The following PCSK2 variants were observed in gnomAD, a reference collection of about 807,000 sequenced individuals.
PCSK2 encodes neuroendocrine convertase 2.
In PCSK2, 14 loss-of-function variants were observed where a neutral mutation model predicts 69.7. That is an observed-to-expected ratio of 0.20 (90% CI 0.13 to 0.31). The LOEUF (loss-of-function observed/expected upper bound fraction) is 0.31. Among genes scored for constraint, PCSK2 ranks in the 10% least tolerant of loss-of-function variants. The pLI is 1.00. For synonymous variants in PCSK2, 307 were observed against 320.7 expected, an observed-to-expected ratio of 0.96 and a Z score of 0.46; for missense variants, 544 against 842.5, an observed-to-expected ratio of 0.65 and a Z score of 4.39.
intron 11 of PCSK2, among the ~76,000 whole-genome samples, chr20:17,478,136 C>T (rs1390566475): frequency 6.6e-6 from 1 of 152,194 alleles, no homozygotes; most frequent in Non-Finnish European, 1.5e-5. Flanking sequence ...TTACATCTAT[C>T]ATTCTGTCAG....
At chr20:17,256,128 T>C (rs1987167144) in intron 1 of PCSK2, among the ~76,000 whole-genome samples, 1 of 152,200 alleles carries the variant, frequency 6.6e-6, no homozygotes, top group Non-Finnish European at 1.5e-5. Flanking sequence ...TAATTCAATC[T>C]CTTTACTGCT....
At chr20:17,401,599 A>G (rs2031639045) in intron 5 of PCSK2, among the ~76,000 whole-genome samples, 2 of 152,212 alleles carry the variant, frequency 1.3e-5, no homozygotes, top group Admixed American at 1.3e-4. Context: ...GCAGTTATCA[A>G]AAGATTGAAA....
intron 4 of PCSK2, among the ~76,000 whole-genome samples, chr20:17,363,008 C>T (rs1009334126): frequency 7.2e-5 from 11 of 152,218 alleles, no homozygotes; most frequent in African/African-American, 2.4e-4. Flanking sequence ...ACGACCTGCA[C>T]GCATGAATGG....
Position 17,324,016 on chromosome 20 carries a change from G to A in PCSK2, c.283-34311G>A, listed in dbSNP as rs1600491658. ...AACCAATGATTGATGGGAGTTGGTGGACAAATACCCCAGTTCCCTCCTCCC... is the reference window on the plus strand; with the variant it reads ...AACCAATGATTGATGGGAGTTGGTGAACAAATACCCCAGTTCCCTCCTCCC... On this transcript the variant is annotated intron_variant, in intron 2 of 11. Transcript: ENST00000262545. 2.6e-5 allele frequency among the ~76,000 whole-genome samples: 4 copies of A among 152,328 alleles called. 1 individual carries two copies. In the South Asian group the frequency reaches 8.3e-4, roughly 32 times the overall value.
chr20:17,290,399 C>A (rs771190354), intron 2 of PCSK2, among the ~76,000 whole-genome samples: 3 of 152,222 alleles, frequency 2.0e-5, no homozygotes. Context: ...TCTCTTTTCT[C>A]ATTTAAATTT....
chr20:17,291,481 T>C (rs1988692645), intron 2 of PCSK2, among the ~76,000 whole-genome samples: 1 of 152,236 alleles, frequency 6.6e-6, no homozygotes, highest in Non-Finnish European at 1.5e-5. Context: ...ATTTGGGTTC[T>C]ATCAATCTTT....
intron 6 of PCSK2, among the ~76,000 whole-genome samples, chr20:17,411,071 C>A (rs576911055): frequency 6.6e-6 from 1 of 152,254 alleles, no homozygotes; most frequent in South Asian, 2.1e-4. Flanking sequence ...TCTTCCTGGG[C>A]AATGTGCTAT....
intron 5 of PCSK2, among the ~76,000 whole-genome samples, chr20:17,370,133 G>T (rs912568909): frequency 6.6e-6 from 1 of 152,192 alleles, no homozygotes; most frequent in Non-Finnish European, 1.5e-5. Context: ...TCAAGCATTG[G>T]TGCGTTCACT....
intron 2 of PCSK2, among the ~76,000 whole-genome samples, chr20:17,335,856 T>TGGTG (rs1990335317): frequency 1.6e-5 from 1 of 61,796 alleles, no homozygotes; most frequent in African/African-American, 6.5e-5. Flanking sequence ...TAGTAGTCCA[T>TGGTG]GGTGTGTGTG....
chr20:17,471,494 C>T (rs1366085335), intron 11 of PCSK2, among the ~76,000 whole-genome samples: 3 of 152,140 alleles, frequency 2.0e-5, no homozygotes, highest in African/African-American at 7.2e-5. Context: ...ATATAGTAGA[C>T]AGGTGATAAA....
At chr20:17,479,690 T>C (rs182514101) in intron 11 of PCSK2, among the ~76,000 whole-genome samples, 2 of 151,286 alleles carry the variant, frequency 1.3e-5, no homozygotes, top group Admixed American at 6.6e-5. Flanking sequence ...TCCCAGCTAC[T>C]CGAGAGGCTG....
At chr20:17,408,459 G>A (rs1436692107) in intron 5 of PCSK2, among the ~76,000 whole-genome samples, 1 of 152,126 alleles carries the variant, frequency 6.6e-6, no homozygotes. Flanking sequence ...TTTATGTGGG[G>A]AAAGATTCTC....
rs2032322250 is a variant in PCSK2 at position 17,429,538 on chromosome 20, C to A, written c.709+15C>A. On this transcript the variant is annotated intron_variant, in intron 7 of 11. Transcript: ENST00000262545. ...CAAGGTTGCAGGTAAGCCATCCCTG[C>A]CAAACAGAGGCCCCCACTAGGTATC... 1.9e-6 allele frequency: 3 copies of A among 1,553,106 alleles called. No individual in the cohort carries two copies. The highest frequency in any genetic ancestry group is 2.7e-6 in the Non-Finnish European group (3 of 1,124,912).
chr20:17,395,045 G>C (rs879693400), intron 5 of PCSK2, among the ~76,000 whole-genome samples: 1 of 151,944 alleles, frequency 6.6e-6, no homozygotes, highest in Non-Finnish European at 1.5e-5. Context: ...AAAGAGAACC[G>C]ATCTACTTAA....
intron 8 of PCSK2, among the ~76,000 whole-genome samples, chr20:17,448,771 G>A (rs1218819248): frequency 2.0e-5 from 3 of 152,008 alleles, no homozygotes; most frequent in Non-Finnish European, 2.9e-5. Context: ...TAGTACCTAG[G>A]TTAAAAGTTT....
At chr20:17,419,479 A>G in intron 6 of PCSK2, among the ~76,000 whole-genome samples, 1 of 152,384 alleles carries the variant, frequency 6.6e-6, no homozygotes, top group East Asian at 1.9e-4. Flanking sequence ...GTAAAAAGGT[A>G]GAAAATACAC....
At chr20:17,286,264 C>A (rs1988506668) in intron 2 of PCSK2, among the ~76,000 whole-genome samples, 1 of 152,142 alleles carries the variant, frequency 6.6e-6, no homozygotes. Context: ...TGAAAATTAT[C>A]TGAAATAAAA....
intron 5 of PCSK2, among the ~76,000 whole-genome samples, chr20:17,379,653 G>A (rs6034810): frequency 0.89 from 136,026 of 152,252 alleles, 60,995 homozygotes; most frequent in South Asian, 0.96. Context: ...TCTGCTGTAA[G>A]CACTCTGTAT....
upstream of PCSK2, among the ~76,000 whole-genome samples, chr20:17,226,533 A>AAGAGAG (rs11471406): frequency 1.4e-5 from 2 of 146,822 alleles, no homozygotes; most frequent in African/African-American, 2.5e-5. Flanking sequence ...GAGAGAGAGA[A>AAGAGAG]AGAGAGAGAG....
Sources: gnomAD v4.1 joint callset for allele counts (sites outside exome capture counted in the v4.1 genomes callset) on GRCh38, gnomAD v4.1.1 for gene constraint, MANE v1.5 for transcripts, NCBI Gene and HGNC (gene_info 2026-07-23, HGNC 2026-07-21) for gene names.